TUBGCP3: variants seen among roughly 807,000 people sequenced by gnomAD.
TUBGCP3 encodes gamma-tubulin complex component 3.
In TUBGCP3, 50 loss-of-function variants were observed where a neutral mutation model predicts 123.1. The ratio of observed to expected loss-of-function variants is 0.41; its 90% CI spans 0.32 to 0.51. TUBGCP3 has a LOEUF of 0.51. TUBGCP3 is among the 20% of genes least tolerant of loss of function. TUBGCP3 has a pLI of 0.36. For synonymous variants in TUBGCP3, 405 were observed against 413.9 expected (o/e 0.98, Z 0.26); for missense variants, 882 against 1,127.0 (o/e 0.78, Z 3.11).
chr13:112,539,241 G>A (rs146426976), intron 11 of TUBGCP3, among the ~76,000 whole-genome samples: 16 of 152,304 alleles, frequency 1.1e-4, no homozygotes, highest in African/African-American at 3.8e-4. Context: ...ATGGGGAAGG[G>A]AAGGCCCAGA....
At chr13:112,558,437 G>A (rs768361092) in intron 4 of TUBGCP3, 24 bp from the exon 5 acceptor site, 1 of 1,508,126 alleles carries the variant, frequency 6.6e-7, no homozygotes, top group African/African-American at 1.4e-5. Context: ...CACACTAAGA[G>A]CAGAGACAGG....
At chr13:112,530,818 A>T (rs1877513845) in intron 11 of TUBGCP3, among the ~76,000 whole-genome samples, 1 of 152,236 alleles carries the variant, frequency 6.6e-6, no homozygotes, top group South Asian at 2.1e-4. Flanking sequence ...CACAGAAAAA[A>T]TCAGTATATA....
intron 1 of TUBGCP3, among the ~76,000 whole-genome samples, chr13:112,570,402 A>C (rs1334591792): frequency 6.6e-6 from 1 of 152,268 alleles, no homozygotes; most frequent in Non-Finnish European, 1.5e-5. Context: ...TATCACAAAA[A>C]GTGAGTCACA....
chr13:112,536,168 T>G (rs1216845682), intron 11 of TUBGCP3, among the ~76,000 whole-genome samples: 2 of 152,262 alleles, frequency 1.3e-5, no homozygotes, highest in Admixed American at 1.3e-4. Flanking sequence ...TTGTAGCATG[T>G]TTTAAAATCA....
chr13:112,553,399 G>T (rs1418625934), intron 8 of TUBGCP3, among the ~76,000 whole-genome samples: 2 of 152,228 alleles, frequency 1.3e-5, no homozygotes, highest in East Asian at 1.9e-4. Flanking sequence ...AGATTTCATT[G>T]GCAGTAATTA....
chr13:112,587,822 G>A, intron 1 of TUBGCP3, 83 bp downstream of exon 1: 2 of 1,267,910 alleles, frequency 1.6e-6, no homozygotes, highest in Non-Finnish European at 2.1e-6. Context: ...CGTTCCTCCA[G>A]CCCCGGAACG....
At chr13:112,539,741 C>A (rs1428029700) in intron 11 of TUBGCP3, among the ~76,000 whole-genome samples, 1 of 152,182 alleles carries the variant, frequency 6.6e-6, no homozygotes, top group African/African-American at 2.4e-5. Flanking sequence ...TTTGGGTGGT[C>A]TTGGGAAAGG....
At chr13:112,504,747 T>C (rs1881173928) in intron 17 of TUBGCP3, 33 bp from the exon 18 acceptor site, 4 of 1,561,508 alleles carry the variant, frequency 2.6e-6, no homozygotes, top group South Asian at 2.2e-5. Context: ...AGAGGTGCAA[T>C]GCAAGTACAC....
chr13:112,545,212 C>G lies in TUBGCP3; in HGVS notation c.1335+487G>C, dbSNP rs1231064554. ...CTCACCCTACCTTCCACCAAAAGCC[C>G]TATCATTTCTATCATGTGATTTACA... On this transcript the variant is annotated intron_variant, in intron 11 of 21. Transcript: ENST00000261965. The surrounding 1 kb of genome is among the most constrained non-coding windows in gnomAD (Gnocchi z 4.1). 1 of 156,000 alleles carries G rather than the reference C, an allele frequency of 6.4e-6. No homozygotes were observed. The highest frequency in any genetic ancestry group is 1.4e-5 in the Non-Finnish European group (1 of 70,086). The allele number at this position is 156,000 out of a possible 1,614,324, so 9.7% of individuals were successfully genotyped here. A position where few individuals can be genotyped will look rare whatever the true frequency, so the allele number is the denominator to read the frequency against.
At chr13:112,494,405 A>T (rs1433224939) in intron 20 of TUBGCP3, among the ~76,000 whole-genome samples, 1 of 152,188 alleles carries the variant, frequency 6.6e-6, no homozygotes, top group East Asian at 1.9e-4. Flanking sequence ...TTTAACATTA[A>T]ACATCTAAAC....
At chr13:112,488,650 A>T (rs1215584598) in intron 21 of TUBGCP3, among the ~76,000 whole-genome samples, 1 of 149,746 alleles carries the variant, frequency 6.7e-6, no homozygotes, top group Non-Finnish European at 1.5e-5. Context: ...GGTCACCCCC[A>T]GGTCCCCACA....
At chr13:112,531,913 C>T (rs546563391) in intron 11 of TUBGCP3, among the ~76,000 whole-genome samples, 1 of 152,064 alleles carries the variant, frequency 6.6e-6, no homozygotes, top group Non-Finnish European at 1.5e-5. Flanking sequence ...TTATGTCAAA[C>T]GCAGAAAGAA....
intron 1 of TUBGCP3, among the ~76,000 whole-genome samples, chr13:112,578,368 G>A (rs1393971349): frequency 6.6e-6 from 1 of 150,928 alleles, no homozygotes; most frequent in East Asian, 1.9e-4. Context: ...GACCATCCTG[G>A]CTAACACGGT....
upstream of TUBGCP3, among the ~76,000 whole-genome samples, chr13:112,588,575 G>A (rs1882795002): frequency 6.6e-6 from 1 of 152,186 alleles, no homozygotes; most frequent in Non-Finnish European, 1.5e-5. Context: ...GCCCTGCTCA[G>A]GCCCGACCTC....
intron 20 of TUBGCP3, among the ~76,000 whole-genome samples, chr13:112,494,410 C>A (rs1880381669): frequency 6.6e-6 from 1 of 152,198 alleles, no homozygotes; most frequent in East Asian, 1.9e-4. Flanking sequence ...CATTAAACAT[C>A]TAAACTTAGT....
intron 10 of TUBGCP3, chr13:112,546,093 C>A: frequency 2.2e-6 from 1 of 452,004 alleles, no homozygotes; most frequent in South Asian, 4.8e-5. Flanking sequence ...AGTCACTCTT[C>A]TCTTTAGGAC....
At chr13:112,553,914 T>C in intron 8 of TUBGCP3, 143 bp downstream of exon 8, 1 of 1,309,460 alleles carries the variant, frequency 7.6e-7, no homozygotes, top group Non-Finnish European at 1.0e-6. Flanking sequence ...TCTACTGTCT[T>C]GAGTGGACCC....
intron 1 of TUBGCP3, among the ~76,000 whole-genome samples, chr13:112,578,513 AGCGCCACTGCAGTCCAGCTTGG>A (rs1209230176): frequency 7.7e-6 from 1 of 129,086 alleles, no homozygotes; most frequent in Non-Finnish European, 1.6e-5. Flanking sequence ...GAGCCGGGAT[AGCGCCACTGCAGTCCAGCTTGG>A]GCGAAAGAGT....
intron 1 of TUBGCP3, 36 bp downstream of exon 1, chr13:112,587,869 C>A: frequency 6.4e-7 from 1 of 1,560,750 alleles, no homozygotes; most frequent in Non-Finnish European, 8.7e-7. Flanking sequence ...GCCCCCGGGA[C>A]GGGTCTGCGG....
Sources: gnomAD v4.1 joint callset for allele counts (sites outside exome capture counted in the v4.1 genomes callset) on GRCh38, gnomAD v4.1.1 for gene constraint, Gnocchi (gnomAD v3.1) non-coding constraint, MANE v1.5 for transcripts, NCBI Gene and HGNC (gene_info 2026-07-23, HGNC 2026-07-21) for gene names.